Variants in CFAP46 observed in about 807,000 individuals in gnomAD.
CFAP46 encodes cilia and flagella associated protein 46.
In CFAP46, 245 loss-of-function variants were observed where a neutral mutation model predicts 325.7. The observed-to-expected ratio is 0.75, with a 90% CI of 0.68 to 0.84. The LOEUF (loss-of-function observed/expected upper bound fraction) is 0.84. Among genes scored for constraint, CFAP46 ranks in the 40% least tolerant of loss-of-function variants. The pLI is 0.00. For missense variants in CFAP46, 3,346 were observed against 3,543.0 expected (o/e 0.94, Z 1.41); for synonymous variants, 1,523 against 1,495.9 (o/e 1.02, Z -0.42).
intron 55 of CFAP46, 74 bp from the exon 56 acceptor site, chr10:132,811,105 G>T: frequency 7.5e-7 from 1 of 1,331,400 alleles, no homozygotes; most frequent in Non-Finnish European, 1.0e-6. Flanking sequence ...GGGCAGGTGG[G>T]GCCTGTGCCC....
chr10:132,920,769 G>T (rs914493191), intron 13 of CFAP46, among the ~76,000 whole-genome samples: 2 of 152,222 alleles, frequency 1.3e-5, no homozygotes, highest in South Asian at 4.1e-4. Context: ...CTCCCCTGGA[G>T]CCCGTGCCGC....
At chr10:132,906,902 G>T (rs538755799) in intron 22 of CFAP46, among the ~76,000 whole-genome samples, 2 of 151,456 alleles carry the variant, frequency 1.3e-5, no homozygotes, top group Non-Finnish European at 2.9e-5. Flanking sequence ...GATGCCCCGT[G>T]CTGGGCACTG....
At chr10:132,929,660 G>A in intron 9 of CFAP46, 45 bp downstream of exon 9, 7 of 1,547,098 alleles carry the variant, frequency 4.5e-6, no homozygotes, top group East Asian at 2.2e-5. Flanking sequence ...ACTGCACGGT[G>A]AGCAGCGCCT....
chr10:132,843,276 G>A (rs1001750596), intron 44 of CFAP46, among the ~76,000 whole-genome samples: 1 of 152,186 alleles, frequency 6.6e-6, no homozygotes, highest in Non-Finnish European at 1.5e-5. Flanking sequence ...CCAGGGGAAT[G>A]TCCCTAAGGC....
chr10:132,855,872 A>AT (rs1848634602), intron 39 of CFAP46, among the ~76,000 whole-genome samples: 1 of 152,190 alleles, frequency 6.6e-6, no homozygotes, highest in African/African-American at 2.4e-5. Flanking sequence ...TTTTAGAGTG[A>AT]TTTTTAGAAG....
Position 132,833,493 on chromosome 10 carries a change from C to T in CFAP46, c.6982G>A (p.Val2328Ile), listed in dbSNP as rs1476901353. The change falls in exon 50 of 58, where the codon GTC becomes ATC. Residue 2328 changes from valine to isoleucine, a missense_variant. By Grantham distance (29) the Val-to-Ile change is conservative (BLOSUM62 3). Coordinates refer to ENST00000368586, the MANE Select transcript of CFAP46 (RefSeq NM_001200049.3). ...AGGAGATGTCTGTCTGCGACCAGGA[C>T]TATCTTATCGGCAACCTCAGGCTGG... ...TVQPEVADKI[V>I]LVADRHLLEL... 1 of 1,614,086 alleles carries T rather than the reference C, an allele frequency of 6.2e-7. No homozygotes were observed. Among genetic ancestry groups the T allele is most frequent in the Middle Eastern group, 1.7e-4 (1 of 6,058 alleles).
At chr10:132,922,330 G>C in intron 12 of CFAP46, 106 bp from the exon 13 acceptor site, 1 of 1,475,304 alleles carries the variant, frequency 6.8e-7, no homozygotes, top group East Asian at 2.5e-5. Flanking sequence ...TGTGGTCCTC[G>C]TGCTCATAGA....
chr10:132,835,495 T>C, intron 46 of CFAP46, 61 bp from the exon 47 acceptor site: 4 of 1,598,780 alleles, frequency 2.5e-6, no homozygotes, highest in Non-Finnish European at 3.4e-6. Context: ...AGCTGGACCG[T>C]GCATGGTGAG....
chr10:132,879,632 C>T lies in CFAP46; in HGVS notation c.3800-1G>A, dbSNP rs967126275. ...GGCATCTCCACAGCCACGTACTCCCCTGAAACACGGGGTGCCCGAGGCTGA... is the reference window on the plus strand; with the variant it reads ...GGCATCTCCACAGCCACGTACTCCCTTGAAACACGGGGTGCCCGAGGCTGA... On this transcript the variant is annotated splice_acceptor_variant, in intron 28 of 57. Transcript: ENST00000368586. LOFTEE classifies it high-confidence loss of function. 5.3e-6 allele frequency: 8 copies of T among 1,515,320 alleles called. No homozygotes were observed. The highest frequency in any genetic ancestry group is 7.1e-6 in the Non-Finnish European group (8 of 1,131,114). 93.9% of individuals were successfully genotyped at this position (1,515,320 alleles called of 1,614,324 possible).
intron 19 of CFAP46, among the ~76,000 whole-genome samples, chr10:132,910,771 C>G (rs980194153): frequency 6.6e-6 from 1 of 152,214 alleles, no homozygotes; most frequent in African/African-American, 2.4e-5. Flanking sequence ...TACTGGGCAG[C>G]GTCCTTCCCT....
intron 25 of CFAP46, among the ~76,000 whole-genome samples, chr10:132,887,093 C>CTG (rs1389777095): frequency 1.6e-5 from 2 of 128,738 alleles, no homozygotes; most frequent in African/African-American, 8.0e-5. Flanking sequence ...TTCTCTCTCT[C>CTG]CTCTCCTCTC....
intron 50 of CFAP46, among the ~76,000 whole-genome samples, chr10:132,831,893 GTT>G (rs951236353): frequency 6.6e-6 from 1 of 151,874 alleles, no homozygotes; most frequent in African/African-American, 2.4e-5. Context: ...ACTCTGTGGG[GTT>G]TTTTGTTTGT....
chr10:132,860,159 C>T (rs2135222998), intron 37 of CFAP46, among the ~76,000 whole-genome samples: 1 of 152,346 alleles, frequency 6.6e-6, no homozygotes, highest in East Asian at 1.9e-4. Context: ...CCAGGCCCTT[C>T]CCAAGGCCCT....
intron 25 of CFAP46, among the ~76,000 whole-genome samples, chr10:132,891,039 A>G (rs1314646448): frequency 6.6e-6 from 1 of 152,138 alleles, no homozygotes; most frequent in Non-Finnish European, 1.5e-5. Context: ...ATTGTTCTGA[A>G]GTCAGTATGC....
chr10:132,881,864 G>A (rs1349989632), intron 27 of CFAP46, among the ~76,000 whole-genome samples: 1 of 152,276 alleles, frequency 6.6e-6, no homozygotes, highest in African/African-American at 2.4e-5. Context: ...CACTTATTCA[G>A]CCCACGAATC....
In CFAP46 at chr10:132,819,520, G is replaced by A. The variant is rs113607844; in HGVS notation, c.7118-4606C>T. Among the ~76,000 whole-genome samples, 1,180 of 152,316 alleles carry A rather than the reference G, an allele frequency of 7.7e-3. 3 individuals carry two copies. Among genetic ancestry groups the A allele is most frequent in the Non-Finnish European group, 0.011 (753 of 68,026 alleles). ...ACAAAGCTATAGTAATCAAAACAATGTGGTACTGGTATAAAAGCAGACACT... is the reference window on the plus strand; with the variant it reads ...ACAAAGCTATAGTAATCAAAACAATATGGTACTGGTATAAAAGCAGACACT... On this transcript the variant is annotated intron_variant, in intron 50 of 57. Coordinates refer to ENST00000368586, the MANE Select transcript of CFAP46 (RefSeq NM_001200049.3).
intron 50 of CFAP46, among the ~76,000 whole-genome samples, chr10:132,821,941 G>GA (rs1847848914): frequency 2.9e-5 from 2 of 69,656 alleles, no homozygotes; most frequent in African/African-American, 6.8e-5. Flanking sequence ...GATGTGTGCT[G>GA]TGTGTGCGCT....
chr10:132,865,010 G>C (rs1265671098), intron 35 of CFAP46, among the ~76,000 whole-genome samples: 1 of 152,128 alleles, frequency 6.6e-6, no homozygotes, highest in African/African-American at 2.4e-5. Flanking sequence ...CAGAGATAAA[G>C]TCTGAACCTC....
At chr10:132,864,144 C>T (rs1427843949) in intron 35 of CFAP46, among the ~76,000 whole-genome samples, 3 of 138,266 alleles carry the variant, frequency 2.2e-5, no homozygotes, top group African/African-American at 5.6e-5. Context: ...ACCTGTCCCC[C>T]TGCCTGAGAC....
Sources: gnomAD v4.1 joint callset for allele counts (sites outside exome capture counted in the v4.1 genomes callset) on GRCh38, gnomAD v4.1.1 for gene constraint, MANE v1.5 for transcripts, NCBI Gene and HGNC (gene_info 2026-07-23, HGNC 2026-07-21) for gene names.